The following LHFPL3 variants were observed in gnomAD, a reference collection of about 807,000 sequenced individuals.
LHFPL3 encodes the protein LHFPL tetraspan subfamily member 3, also known as LHFPL tetraspan subfamily member 3 protein.
In LHFPL3, 5 loss-of-function variants were observed where a neutral mutation model predicts 19.3. That is an observed-to-expected ratio of 0.26 (90% CI 0.14 to 0.54). The LOEUF (loss-of-function observed/expected upper bound fraction) is 0.54. Among genes scored for constraint, LHFPL3 ranks in the 20% least tolerant of loss-of-function variants. The pLI is 0.94. For missense variants in LHFPL3, 249 were observed against 307.4 expected (o/e 0.81, Z 1.42); for synonymous variants, 133 against 126.2 (o/e 1.05, Z -0.36).
chr7:104,389,784 A>C (rs1309049493), intron 1 of LHFPL3, among the ~76,000 whole-genome samples: 1 of 152,172 alleles, frequency 6.6e-6, no homozygotes, highest in East Asian at 1.9e-4. Flanking sequence ...TCTTTTCAAC[A>C]AATGGTACTG....
intron 1 of LHFPL3, among the ~76,000 whole-genome samples, chr7:104,513,206 C>T (rs1014335560): frequency 6.6e-6 from 1 of 152,090 alleles, no homozygotes; most frequent in Admixed American, 6.5e-5. Flanking sequence ...GATTGAAATA[C>T]CCAGATTACT....
intron 1 of LHFPL3, among the ~76,000 whole-genome samples, chr7:104,460,093 A>C (rs1449642556): frequency 1.3e-5 from 2 of 152,004 alleles, no homozygotes; most frequent in Admixed American, 1.3e-4. Flanking sequence ...CCCACTTATA[A>C]GTGTGGTATT....
At chr7:104,442,312 T>C (rs927903071) in intron 1 of LHFPL3, among the ~76,000 whole-genome samples, 4 of 152,114 alleles carry the variant, frequency 2.6e-5, no homozygotes, top group African/African-American at 9.7e-5. Context: ...TTGTTTCAAT[T>C]AAAATAATTC....
intron 1 of LHFPL3, among the ~76,000 whole-genome samples, chr7:104,604,376 G>A (rs1229819057): frequency 2.6e-5 from 4 of 152,158 alleles, no homozygotes; most frequent in Admixed American, 6.5e-5. Flanking sequence ...ATTCTGCCCC[G>A]CTAGAGCTCT....
chr7:104,635,711 A>G (rs536189160), intron 1 of LHFPL3, among the ~76,000 whole-genome samples: 1 of 152,332 alleles, frequency 6.6e-6, no homozygotes, highest in Non-Finnish European at 1.5e-5. Flanking sequence ...GAGTAAACCA[A>G]GAGAAAGGAA....
intron 1 of LHFPL3, among the ~76,000 whole-genome samples, chr7:104,383,697 T>G (rs1790877402): frequency 6.6e-6 from 1 of 152,240 alleles, no homozygotes. Context: ...TAACAGTATT[T>G]AAAATTTAAA....
intron 1 of LHFPL3, among the ~76,000 whole-genome samples, chr7:104,595,980 C>A (rs1256604031): frequency 1.3e-5 from 2 of 152,222 alleles, no homozygotes; most frequent in African/African-American, 4.8e-5. Flanking sequence ...CTTCCCTTGG[C>A]TAGGAAAGGG....
intron 1 of LHFPL3, among the ~76,000 whole-genome samples, chr7:104,587,823 G>C (rs1790612714): frequency 6.6e-6 from 1 of 152,140 alleles, no homozygotes; most frequent in Admixed American, 6.5e-5. Context: ...TAACTGGTGT[G>C]AGATGGTATC....
At chr7:104,474,894 A>G (rs1450972971) in intron 1 of LHFPL3, among the ~76,000 whole-genome samples, 2 of 152,190 alleles carry the variant, frequency 1.3e-5, no homozygotes, top group East Asian at 3.9e-4. Context: ...AATCATGAAA[A>G]AAATAAAAGC....
At chr7:104,382,572 A>T (rs1450998498) in intron 1 of LHFPL3, among the ~76,000 whole-genome samples, 1 of 152,122 alleles carries the variant, frequency 6.6e-6, no homozygotes, top group African/African-American at 2.4e-5. Flanking sequence ...TGCTGGATTT[A>T]ATTGTTCTAG....
chr7:104,899,397 A>C (rs909829706), intron 2 of LHFPL3, among the ~76,000 whole-genome samples: 3 of 152,226 alleles, frequency 2.0e-5, no homozygotes, highest in African/African-American at 7.2e-5. Flanking sequence ...GAAACATATT[A>C]TCAAGGAAGG....
intron 1 of LHFPL3, among the ~76,000 whole-genome samples, chr7:104,722,079 C>A (rs1367397771): frequency 6.6e-6 from 1 of 151,962 alleles, no homozygotes; most frequent in African/African-American, 2.4e-5. Context: ...GGTAAATTAG[C>A]AAGTGATGTT....
intron 1 of LHFPL3, among the ~76,000 whole-genome samples, chr7:104,343,775 C>T (rs1790009614): frequency 6.6e-6 from 1 of 151,356 alleles, no homozygotes; most frequent in African/African-American, 2.4e-5. Context: ...CTAAAACAAC[C>T]ATTTGTGTAC....
At position 104,730,430 on chromosome 7, in the gene LHFPL3, C is replaced by T. The variant is rs145718460; in HGVS notation, c.446-6245C>T. On this transcript the variant is annotated intron_variant, in intron 1 of 2. Transcript: ENST00000424859. The stretch of plus-strand genomic sequence containing the variant: ...TGTTGTTTCCTGACTTTTTAAAGAT[C>T]GCCATTCTAACTGGTGTCAGATGAT... Among the ~76,000 whole-genome samples, 1,027 of 152,242 alleles carry T rather than the reference C, an allele frequency of 6.7e-3. 4 individuals carry two copies. The highest frequency in any genetic ancestry group is 0.017 in the Middle Eastern group (5 of 294).
At chr7:104,568,651 G>C (rs985377471) in intron 1 of LHFPL3, among the ~76,000 whole-genome samples, 1 of 152,158 alleles carries the variant, frequency 6.6e-6, no homozygotes, top group Non-Finnish European at 1.5e-5. Flanking sequence ...CCTAACTCCT[G>C]ATTGCAGCCT....
At chr7:104,422,498 A>C (rs1393394753) in intron 1 of LHFPL3, among the ~76,000 whole-genome samples, 1 of 152,222 alleles carries the variant, frequency 6.6e-6, no homozygotes. Context: ...TTCTCCTCCA[A>C]AATAAATTAA....
chr7:104,844,312 G>A (rs886418076), intron 2 of LHFPL3, among the ~76,000 whole-genome samples: 7 of 152,254 alleles, frequency 4.6e-5, no homozygotes, highest in African/African-American at 1.7e-4. Context: ...CAACAGCATG[G>A]CAGGGCAATA....
intron 1 of LHFPL3, among the ~76,000 whole-genome samples, chr7:104,388,454 A>C (rs951914498): frequency 6.6e-6 from 1 of 152,166 alleles, no homozygotes; most frequent in Admixed American, 6.6e-5. Flanking sequence ...AGGCAGTGGA[A>C]TGGCGTATTC....
At chr7:104,395,297 A>T (rs979379732) in intron 1 of LHFPL3, among the ~76,000 whole-genome samples, 3 of 152,206 alleles carry the variant, frequency 2.0e-5, no homozygotes, top group Middle Eastern at 3.2e-3. Context: ...AAAAAGGCTG[A>T]CCTGTGATTT....
Sources: gnomAD v4.1 joint callset for allele counts (sites outside exome capture counted in the v4.1 genomes callset) on GRCh38, gnomAD v4.1.1 for gene constraint, MANE v1.5 for transcripts, NCBI Gene and HGNC (gene_info 2026-07-23, HGNC 2026-07-21) for gene names.